The following CACNA1B variants were observed in gnomAD, a reference collection of about 807,000 sequenced individuals.
CACNA1B encodes calcium voltage-gated channel subunit alpha1 B.
Under a neutral mutation model 247.2 loss-of-function variants are expected in CACNA1B, and 70 were observed. The observed-to-expected ratio is 0.28, with a 90% CI of 0.23 to 0.35. CACNA1B has a LOEUF of 0.35. CACNA1B is among the 10% of genes least tolerant of loss of function. The pLI, the probability that CACNA1B is intolerant of heterozygous loss-of-function variation, is 1.00. For missense variants in CACNA1B, 2,367 were observed against 3,197.4 expected, an observed-to-expected ratio of 0.74 and a Z score of 6.26; for synonymous variants, 1,231 against 1,294.4, an observed-to-expected ratio of 0.95 and a Z score of 1.05.
intron 12 of CACNA1B, among the ~76,000 whole-genome samples, chr9:137,978,725 T>A (rs1259441664): frequency 2.0e-5 from 3 of 152,198 alleles, no homozygotes; most frequent in Non-Finnish European, 4.4e-5. Context: ...TTTTGTTGAA[T>A]CCTCACAAGG....
At chr9:137,966,068 G>A (rs1217758217) in intron 10 of CACNA1B, among the ~76,000 whole-genome samples, 2 of 152,230 alleles carry the variant, frequency 1.3e-5, no homozygotes, top group Non-Finnish European at 1.5e-5. Flanking sequence ...GCACCTTGTC[G>A]ACATTGAATG....
intron 31 of CACNA1B, chr9:138,068,457 AT>A (rs1453441125): frequency 3.0e-6 from 1 of 329,584 alleles, no homozygotes; most frequent in African/African-American, 2.1e-5. Context: ...AATCAGAAAA[AT>A]CAGAAAAGTT....
intron 23 of CACNA1B, 31 bp from the exon 24 acceptor site, chr9:138,049,178 G>T: frequency 7.2e-7 from 1 of 1,387,398 alleles, no homozygotes; most frequent in South Asian, 1.2e-5. Context: ...TCTGGACTAT[G>T]ACGTATCTAA....
At chr9:137,948,954 C>T (rs1957833436) in intron 6 of CACNA1B, among the ~76,000 whole-genome samples, 1 of 118,956 alleles carries the variant, frequency 8.4e-6, no homozygotes, top group African/African-American at 3.3e-5. Flanking sequence ...GTCTGTGTGG[C>T]ATGCATGTGT....
chr9:138,094,497 A>C (rs928201693), intron 36 of CACNA1B, among the ~76,000 whole-genome samples: 1 of 151,786 alleles, frequency 6.6e-6, no homozygotes, highest in Non-Finnish European at 1.5e-5. Flanking sequence ...AACTTCTCCC[A>C]AATATACAAG....
chr9:138,049,154 C>A, intron 23 of CACNA1B, 55 bp from the exon 24 acceptor site: 1 of 1,196,450 alleles, frequency 8.4e-7, no homozygotes, highest in Non-Finnish European at 1.3e-6. Flanking sequence ...TGCACCTGGC[C>A]TCTGCCTGTC....
At position 137,882,101 on chromosome 9, in the gene CACNA1B, T is replaced by C. The variant is rs1450531788; in HGVS notation, c.391-643T>C. Among the ~76,000 whole-genome samples, 1 of 152,156 alleles carries C rather than the reference T, an allele frequency of 6.6e-6. No individual in the cohort carries two copies. The highest frequency in any genetic ancestry group is 6.5e-5 in the Admixed American group (1 of 15,282). The stretch of plus-strand genomic sequence containing the variant: ...GCTGAGGTTGTGCTTCTCATTTCTG[T>C]TGTTTTCTGCCGAGATGTGCATGTT... On this transcript the variant is annotated intron_variant, in intron 2 of 46. Transcript: ENST00000371372. The surrounding 1 kb of genome is among the most constrained non-coding windows in gnomAD (Gnocchi z 4.0).
rs1369643124 is a variant in CACNA1B, at chr9:137,881,886, C to T, written c.391-858C>T. Among the ~76,000 whole-genome samples, 1 of 152,202 alleles carries T rather than the reference C, an allele frequency of 6.6e-6. No individual in the cohort carries two copies. The highest frequency in any genetic ancestry group is 1.5e-5 in the Non-Finnish European group (1 of 68,036). ...GGATCAGCTGTCTTCATTCCTTTGG[C>T]TGCTCTGTTCCCTCCACCTGGATCC... On this transcript the variant is annotated intron_variant, in intron 2 of 46. Transcript: ENST00000371372. This position sits in a 1 kb window ranked among gnomAD's most constrained non-coding sequence, Gnocchi z 4.3.
At chr9:137,916,745 G>A (rs879820268) in intron 5 of CACNA1B, among the ~76,000 whole-genome samples, 2 of 151,942 alleles carry the variant, frequency 1.3e-5, no homozygotes, top group Non-Finnish European at 2.9e-5. Flanking sequence ...GGCTGTGAGG[G>A]AGGTAGTTTG....
intron 31 of CACNA1B, among the ~76,000 whole-genome samples, chr9:138,065,069 A>G (rs1351042062): frequency 6.6e-6 from 1 of 152,160 alleles, no homozygotes; most frequent in Non-Finnish European, 1.5e-5. Flanking sequence ...AGGTTTTCCA[A>G]GCTCCTGGGA....
At chr9:137,963,521 A>G (rs1958042535) in intron 10 of CACNA1B, among the ~76,000 whole-genome samples, 1 of 152,070 alleles carries the variant, frequency 6.6e-6, no homozygotes, top group South Asian at 2.1e-4. Context: ...CAGCCTTCCA[A>G]GTATCTCTGG....
intron 21 of CACNA1B, among the ~76,000 whole-genome samples, chr9:138,045,848 G>A (rs2133477637): frequency 6.6e-6 from 1 of 152,340 alleles, no homozygotes; most frequent in African/African-American, 2.4e-5. Context: ...TCCCTTCAAG[G>A]AAGAGGGAGA....
intron 6 of CACNA1B, among the ~76,000 whole-genome samples, chr9:137,945,108 T>C (rs565297629): frequency 5.3e-5 from 8 of 152,332 alleles, no homozygotes; most frequent in African/African-American, 1.9e-4. Context: ...GATGGTGTTG[T>C]AATTAAGACT....
At chr9:137,983,754 C>A (rs1462613645) in intron 12 of CACNA1B, among the ~76,000 whole-genome samples, 3 of 152,090 alleles carry the variant, frequency 2.0e-5, no homozygotes, top group Non-Finnish European at 2.9e-5. Flanking sequence ...GTTTGCCCAG[C>A]TCCAGAGGTG....
intron 6 of CACNA1B, among the ~76,000 whole-genome samples, chr9:137,933,491 G>A (rs537042565): frequency 3.9e-5 from 6 of 152,180 alleles, no homozygotes; most frequent in East Asian, 1.9e-4. Flanking sequence ...CTCCAGAAAG[G>A]TTGCTCAGAT....
intron 40 of CACNA1B, among the ~76,000 whole-genome samples, chr9:138,113,625 G>A (rs1194027131): frequency 2.2e-5 from 3 of 137,644 alleles, no homozygotes; most frequent in African/African-American, 8.5e-5. Flanking sequence ...TCCATCTTGT[G>A]GGAGACGTGA....
In CACNA1B at chr9:138,073,588, T is replaced by C; in HGVS notation, c.4775T>C (p.Phe1592Ser). ...ACCATCCGCATCCTGCTGTGGACCT[T>C]TGTCCAGTCCTTCAAGGTGGGCCAG... The part of the protein sequence containing the change: ...GYTIRILLWT[F>S]VQSFKALPYV... The change falls in exon 33 of 47, where the codon TTT (phenylalanine) becomes TCT (serine). Residue 1592 changes from phenylalanine (F) to serine (S), a missense_variant. Phe to Ser is a radical substitution (Grantham distance 155). Transcript: ENST00000371372. The surrounding 1 kb of genome is among the most constrained non-coding windows in gnomAD (Gnocchi z 6.4). The C allele has an allele frequency of 6.2e-7, 1 of 1,605,654 alleles. No individual in the cohort carries two copies. The highest frequency in any genetic ancestry group is 8.5e-7 in the Non-Finnish European group (1 of 1,172,470).
At chr9:138,061,157 C>T (rs886604177) in intron 31 of CACNA1B, among the ~76,000 whole-genome samples, 2 of 152,222 alleles carry the variant, frequency 1.3e-5, no homozygotes, top group African/African-American at 4.8e-5. Flanking sequence ...TATGCAGTGG[C>T]AGCTCTGCCC....
At chr9:137,956,712 G>T in intron 8 of CACNA1B, 59 bp from the exon 9 acceptor site, 1 of 1,420,664 alleles carries the variant, frequency 7.0e-7, no homozygotes, top group Non-Finnish European at 9.9e-7. Flanking sequence ...ATGTGCCTCT[G>T]TCCTGGGGCA....
Sources: gnomAD v4.1 joint callset for allele counts (sites outside exome capture counted in the v4.1 genomes callset) on GRCh38, gnomAD v4.1.1 for gene constraint, Gnocchi (gnomAD v3.1) non-coding constraint, MANE v1.5 for transcripts, NCBI Gene and HGNC (gene_info 2026-07-23, HGNC 2026-07-21) for gene names.